ADAM12: variants seen among roughly 807,000 people sequenced by gnomAD.
ADAM12 encodes the protein disintegrin and metalloproteinase domain-containing protein 12.
ADAM12 carries 70 observed loss-of-function variants against 106.4 expected under a neutral mutation model. That is an observed-to-expected ratio of 0.66 (90% CI 0.54 to 0.80). The LOEUF is 0.80. Ranked by LOEUF, ADAM12 falls within the 30% of genes least tolerant of loss-of-function variation. The pLI is 0.00. For missense variants in ADAM12, 1,010 were observed against 1,171.9 expected (o/e 0.86, Z 2.02); for synonymous variants, 420 against 433.5 (o/e 0.97, Z 0.39).
chr10:126,309,127 AC>A (rs576252352), intron 2 of ADAM12, among the ~76,000 whole-genome samples: 3 of 152,146 alleles, frequency 2.0e-5, no homozygotes, highest in Non-Finnish European at 4.4e-5. Context: ...TTGGCCAATC[AC>A]CGTATTCTAC....
At chr10:126,041,165 T>C (rs10794057) in intron 18 of ADAM12, among the ~76,000 whole-genome samples, 66,778 of 151,926 alleles carry the variant, frequency 0.44, 17,689 homozygotes, top group Non-Finnish European at 0.58. Context: ...CCCTCACTTA[T>C]GCCATGTCAT....
chr10:126,168,685 A>T lies in ADAM12; in HGVS notation c.261-13380T>A, dbSNP rs115479238. ...CACCAGCCAGTGTGAAGTTTTTAAA[A>T]CGAAAACGGATCATGTCACTTCTCC... On this transcript the variant is annotated intron_variant, in intron 3 of 22. Transcript: ENST00000448723. Among the ~76,000 whole-genome samples the T allele has an allele frequency of 3.9e-3, 589 of 152,260 alleles. 4 individuals carry two copies. The highest frequency in any genetic ancestry group is 0.014 in the African/African-American group (563 of 41,550).
chr10:126,043,157 G>A lies in ADAM12; in HGVS notation c.1996-9C>T, dbSNP rs1174706936. On this transcript the variant is annotated splice_polypyrimidine_tract_variant and intron_variant, in intron 17 of 22. Transcript: ENST00000448723. This position sits in a 1 kb window ranked among gnomAD's most constrained non-coding sequence, Gnocchi z 4.1. ...TTCCTGTTGTTGCACACCTTTCAGG[G>A]CAGAGGGGAGGGACGTGGGGTTAGG... 1.2e-6 allele frequency: 2 copies of A among 1,613,472 alleles called. No individual in the cohort carries two copies. Among genetic ancestry groups the A allele is most frequent in the South Asian group, 2.2e-5 (2 of 90,980 alleles).
chr10:126,245,271 C>A (rs1244720717), intron 3 of ADAM12, among the ~76,000 whole-genome samples: 3 of 152,158 alleles, frequency 2.0e-5, no homozygotes, highest in African/African-American at 7.2e-5. Context: ...CCAGGTGGGA[C>A]CTGACGTGAA....
chr10:126,133,079 T>C (rs530471822), intron 5 of ADAM12, among the ~76,000 whole-genome samples: 1 of 152,242 alleles, frequency 6.6e-6, no homozygotes, highest in South Asian at 2.1e-4. Flanking sequence ...AGAATATTCC[T>C]CTTACCTCCT....
intron 14 of ADAM12, among the ~76,000 whole-genome samples, chr10:126,050,813 G>A (rs1200064542): frequency 6.6e-6 from 1 of 152,162 alleles, no homozygotes; most frequent in Non-Finnish European, 1.5e-5. Context: ...TGTGAACAGT[G>A]TGCTCAGCGC....
At chr10:126,386,071 G>A (rs895340749) in intron 1 of ADAM12, among the ~76,000 whole-genome samples, 2 of 152,112 alleles carry the variant, frequency 1.3e-5, no homozygotes, top group African/African-American at 4.8e-5. Flanking sequence ...TTAGGAGGTT[G>A]GTGGCTTACG....
At chr10:126,138,785 C>A (rs1468630583) in intron 4 of ADAM12, among the ~76,000 whole-genome samples, 1 of 103,556 alleles carries the variant, frequency 9.7e-6, no homozygotes, top group African/African-American at 3.7e-5. Flanking sequence ...GAAACCATTA[C>A]CTAACCTAAG....
At chr10:126,249,919 T>C (rs1189228427) in intron 3 of ADAM12, among the ~76,000 whole-genome samples, 1 of 152,166 alleles carries the variant, frequency 6.6e-6, no homozygotes, top group East Asian at 1.9e-4. Context: ...TGCAAATTCC[T>C]TAAAGGGAGA....
At chr10:126,025,336 TTA>T (rs1953848778) in intron 21 of ADAM12, among the ~76,000 whole-genome samples, 1 of 151,986 alleles carries the variant, frequency 6.6e-6, no homozygotes. Flanking sequence ...CCAAAATAGT[TTA>T]GAGAGGAACA....
intron 3 of ADAM12, among the ~76,000 whole-genome samples, chr10:126,171,845 T>G (rs190153790): frequency 9.0e-4 from 137 of 152,340 alleles, no homozygotes; most frequent in African/African-American, 3.1e-3. Context: ...TATGGTTTCA[T>G]TTTCACACAA....
chr10:126,168,769 CA>C (rs564406029), intron 3 of ADAM12, among the ~76,000 whole-genome samples: 40 of 151,656 alleles, frequency 2.6e-4, no homozygotes, highest in African/African-American at 9.3e-4. Flanking sequence ...TTCCTTAGCG[CA>C]CGGCCAGGCG....
At chr10:126,310,445 A>G (rs1961033277) in intron 2 of ADAM12, among the ~76,000 whole-genome samples, 1 of 152,186 alleles carries the variant, frequency 6.6e-6, no homozygotes, top group South Asian at 2.1e-4. Context: ...CAGAGAATGT[A>G]AGAGAAGCAA....
chr10:126,262,282 G>A (rs904558792), intron 3 of ADAM12, among the ~76,000 whole-genome samples: 1 of 152,054 alleles, frequency 6.6e-6, no homozygotes, highest in African/African-American at 2.4e-5. Flanking sequence ...TAGTATTTGT[G>A]TTGGTTTTCA....
At chr10:126,120,912 A>G (rs918292157) in intron 5 of ADAM12, among the ~76,000 whole-genome samples, 19 of 139,338 alleles carry the variant, frequency 1.4e-4, no homozygotes, top group Non-Finnish European at 2.7e-4. Flanking sequence ...TATATAATAT[A>G]TATGCAATAT....
intron 3 of ADAM12, among the ~76,000 whole-genome samples, chr10:126,227,902 T>C (rs3858309): frequency 0.44 from 66,874 of 151,550 alleles, 15,706 homozygotes; most frequent in South Asian, 0.65. Context: ...TGACAGATGG[T>C]GAGCTGGCAG....
chr10:126,118,512 G>T (rs962207925), intron 5 of ADAM12, among the ~76,000 whole-genome samples: 1 of 152,208 alleles, frequency 6.6e-6, no homozygotes, highest in African/African-American at 2.4e-5. Context: ...ATGTCTCAAA[G>T]ATATATTGCC....
chr10:126,059,228 T>C (rs1954699606), intron 14 of ADAM12, among the ~76,000 whole-genome samples: 1 of 152,212 alleles, frequency 6.6e-6, no homozygotes, highest in African/African-American at 2.4e-5. Flanking sequence ...TTACTCAATC[T>C]AATCTTACTT....
intron 3 of ADAM12, among the ~76,000 whole-genome samples, chr10:126,180,265 G>A (rs556442399): frequency 1.3e-4 from 20 of 152,306 alleles, no homozygotes; most frequent in South Asian, 1.0e-3. Context: ...GTTTGAATCC[G>A]AGCTTTCTGA....
Sources: allele counts gnomAD v4.1 joint callset (sites outside exome capture counted in the v4.1 genomes callset), GRCh38; gene constraint gnomAD v4.1.1; non-coding constraint Gnocchi (gnomAD v3.1); transcripts MANE v1.5; gene names NCBI Gene and HGNC (gene_info 2026-07-23, HGNC 2026-07-21).